PPEF1: variants seen among roughly 807,000 people sequenced by gnomAD.
The protein encoded by PPEF1 is serine/threonine-protein phosphatase with EF-hands 1.
In PPEF1, 12 loss-of-function variants were observed where a neutral mutation model predicts 53.3. That is an observed-to-expected ratio of 0.23 (90% CI 0.14 to 0.36). The LOEUF is 0.36. Ranked by LOEUF, PPEF1 falls within the 10% of genes least tolerant of loss-of-function variation. PPEF1 has a pLI of 1.00. For missense variants in PPEF1, 334 were observed against 490.4 expected (o/e 0.68, Z 3.01); for synonymous variants, 165 against 176.7 (o/e 0.93, Z 0.52).
intron 3 of PPEF1, among the ~76,000 whole-genome samples, chrX:18,742,781 G>A (rs147173944): frequency 3.0e-3 from 329 of 110,083 alleles, no homozygotes; most frequent in African/African-American, 0.01. Flanking sequence ...CCTGGGAGGC[G>A]GAGGTTGCAG....
intron 4 of PPEF1, among the ~76,000 whole-genome samples, chrX:18,753,133 C>CTT (rs1206477733): frequency 1.8e-5 from 2 of 111,348 alleles, no homozygotes; most frequent in Non-Finnish European, 3.8e-5. Flanking sequence ...TGGCCTTGGA[C>CTT]TTTTCTTTGT....
intron 1 of PPEF1, among the ~76,000 whole-genome samples, chrX:18,711,172 A>T (rs2044318578): frequency 9.2e-6 from 1 of 109,120 alleles, no homozygotes. Flanking sequence ...AGCAACATGG[A>T]TGGAACAAGA....
At chrX:18,774,456 C>T (rs1418736948) in intron 6 of PPEF1, among the ~76,000 whole-genome samples, 2 of 112,043 alleles carry the variant, frequency 1.8e-5, no homozygotes, top group Non-Finnish European at 3.8e-5. Flanking sequence ...CTCAGTGGGG[C>T]ATGTGGATGC....
chrX:18,685,551 G>A (rs1929038213), intron 2 of PPEF1, among the ~76,000 whole-genome samples: 1 of 110,129 alleles, frequency 9.1e-6, no homozygotes, highest in African/African-American at 3.3e-5. Flanking sequence ...CGGCCGCGGT[G>A]GCGGGTGCCT....
intron 3 of PPEF1, among the ~76,000 whole-genome samples, chrX:18,742,145 T>G (rs1490590926): frequency 1.8e-5 from 2 of 111,438 alleles, no homozygotes; most frequent in East Asian, 5.7e-4. Context: ...AGAATCATCC[T>G]TGTAATTTGG....
intron 6 of PPEF1, among the ~76,000 whole-genome samples, chrX:18,773,626 T>G (rs1045575483): frequency 8.9e-6 from 1 of 112,249 alleles, no homozygotes; most frequent in Non-Finnish European, 1.9e-5. Flanking sequence ...TTTGGTAAAG[T>G]TTTATTTTTT....
intron 6 of PPEF1, among the ~76,000 whole-genome samples, chrX:18,702,438 G>A (rs1260824253): frequency 1.9e-5 from 2 of 106,394 alleles, no homozygotes; most frequent in African/African-American, 3.4e-5. Flanking sequence ...AGGAAACTAC[G>A]AAACTGACAT....
At chrX:18,817,068 A>G (rs479675) in intron 12 of PPEF1, among the ~76,000 whole-genome samples, 9,097 of 100,072 alleles carry the variant, frequency 0.091, 888 homozygotes, top group African/African-American at 0.3. Context: ...TCATTTTGCC[A>G]TGTGTGTGTG....
chrX:18,758,355 G>A (rs927729095), intron 5 of PPEF1, among the ~76,000 whole-genome samples: 2 of 112,219 alleles, frequency 1.8e-5, no homozygotes, highest in Non-Finnish European at 3.8e-5. Context: ...TGACAGTGGG[G>A]TGCGTGGAAG....
intron 3 of PPEF1, among the ~76,000 whole-genome samples, chrX:18,743,155 A>T (rs980990933): frequency 8.9e-6 from 1 of 111,959 alleles, no homozygotes; most frequent in African/African-American, 3.2e-5. Flanking sequence ...TTCCTTGGGG[A>T]GCCATTATCA....
At chrX:18,693,101 G>A (rs1021164517) in intron 4 of PPEF1, among the ~76,000 whole-genome samples, 1 of 112,206 alleles carries the variant, frequency 8.9e-6, no homozygotes, top group African/African-American at 3.2e-5. Flanking sequence ...ACTGGGCTGC[G>A]ATTTCTGGAT....
intron 3 of PPEF1, among the ~76,000 whole-genome samples, chrX:18,734,087 A>G (rs1328680740): frequency 9.1e-6 from 1 of 110,033 alleles, no homozygotes; most frequent in Non-Finnish European, 1.9e-5. Flanking sequence ...CTGAACTACA[A>G]TCTATCGGTA....
rs757018659 is a variant in PPEF1, at chrX:18,707,846, C to T, written c.46+20C>T. ...ACACATGTGAGTACTGGGAATGTGC[C>T]TGTGGTTATGAATGAAAAGGGGAAA... On this transcript the variant is annotated intron_variant, in intron 1 of 15. Transcript: ENST00000470157. 5 of 1,194,830 alleles carry T rather than the reference C, an allele frequency of 4.2e-6. No individual in the cohort carries two copies. Among genetic ancestry groups the T allele is most frequent in the Non-Finnish European group, 4.5e-6 (4 of 880,880 alleles).
chrX:18,818,889 A>G (rs1489334768), intron 13 of PPEF1, among the ~76,000 whole-genome samples: 1 of 112,020 alleles, frequency 8.9e-6, no homozygotes, highest in Non-Finnish European at 1.9e-5. Context: ...CTGGGGCCCA[A>G]TGCTGATATT....
At chrX:18,726,339 G>A (rs1031969289) in intron 1 of PPEF1, among the ~76,000 whole-genome samples, 3 of 103,980 alleles carry the variant, frequency 2.9e-5, no homozygotes, top group Non-Finnish European at 5.9e-5. Flanking sequence ...GGCTACAGAC[G>A]AGACTCTGAC....
intron 10 of PPEF1, among the ~76,000 whole-genome samples, chrX:18,789,913 T>G (rs1390438903): frequency 1.8e-5 from 2 of 112,294 alleles, no homozygotes; most frequent in East Asian, 5.5e-4. Flanking sequence ...CACATACAAG[T>G]TTTTCTGTGC....
intron 13 of PPEF1, among the ~76,000 whole-genome samples, chrX:18,822,954 A>C (rs1192640523): frequency 1.8e-5 from 2 of 111,820 alleles, no homozygotes; most frequent in Admixed American, 1.9e-4. Context: ...CTGAAGAAAA[A>C]GAACAAGGTG....
intron 5 of PPEF1, among the ~76,000 whole-genome samples, chrX:18,759,817 C>G (rs924329402): frequency 9.0e-6 from 1 of 111,497 alleles, no homozygotes; most frequent in African/African-American, 3.3e-5. Context: ...TTTGGTTAAT[C>G]TTGGTTGTGG....
chrX:18,798,884 C>T (rs2046486729), intron 10 of PPEF1, among the ~76,000 whole-genome samples: 1 of 111,042 alleles, frequency 9.0e-6, no homozygotes, highest in South Asian at 3.8e-4. Context: ...TCTCGGCCTC[C>T]CAAAGTGCTG....
Sources: allele counts gnomAD v4.1 joint callset (sites outside exome capture counted in the v4.1 genomes callset), GRCh38; gene constraint gnomAD v4.1.1; transcripts MANE v1.5; gene names NCBI Gene and HGNC (gene_info 2026-07-23, HGNC 2026-07-21).